PDE1A: variants seen among roughly 807,000 people sequenced by gnomAD.
PDE1A encodes the protein dual specificity calcium/calmodulin-dependent 3',5'-cyclic nucleotide phosphodiesterase 1A.
A neutral mutation model predicts 61.7 loss-of-function variants in PDE1A; 35 were observed. The observed-to-expected ratio is 0.57, with a 90% confidence interval of 0.43 to 0.75. The LOEUF (loss-of-function observed/expected upper bound fraction) is 0.75, where lower values mean the gene tolerates loss of function less well. Among genes scored for constraint, PDE1A ranks in the 30% least tolerant of loss-of-function variants. The probability of loss-of-function intolerance (pLI) is 0.00; values close to 1 mark genes in which losing one functional copy is unlikely to be tolerated. For synonymous variants in PDE1A, 232 were observed against 213.2 expected (o/e 1.09, Z -0.77); for missense variants, 597 against 630.6 (o/e 0.95, Z 0.57).
chr2:182,393,157 TC>T (rs2125400869), intron 1 of PDE1A, among the ~76,000 whole-genome samples: 1 of 152,354 alleles, frequency 6.6e-6, no homozygotes, highest in African/African-American at 2.4e-5. Flanking sequence ...TCCAAGCATT[TC>T]CATACATCCT....
At chr2:182,347,456 G>T (rs1559361716) in intron 1 of PDE1A, among the ~76,000 whole-genome samples, 3 of 151,942 alleles carry the variant, frequency 2.0e-5, no homozygotes, top group South Asian at 4.1e-4. Context: ...TAATCTACTT[G>T]GGTATCCATT....
At chr2:182,368,264 G>A (rs1358842577) in intron 1 of PDE1A, among the ~76,000 whole-genome samples, 1 of 151,916 alleles carries the variant, frequency 6.6e-6, no homozygotes, top group Non-Finnish European at 1.5e-5. Flanking sequence ...CATCAAATAT[G>A]GAGTTCATGT....
At chr2:182,211,830 C>T (rs553779568) in intron 7 of PDE1A, among the ~76,000 whole-genome samples, 111 of 152,216 alleles carry the variant, frequency 7.3e-4, no homozygotes, top group African/African-American at 2.6e-3. Context: ...GAAAAGCAAT[C>T]GAGTTTTGTG....
chr2:182,588,510 C>CA, the PDE1A span, among the ~76,000 whole-genome samples: 1 of 152,268 alleles, frequency 6.6e-6, no homozygotes, highest in Non-Finnish European at 1.5e-5. Context: ...ATTTTCTCAG[C>CA]AAAAATACAC....
At chr2:182,553,381 C>T in the PDE1A span, among the ~76,000 whole-genome samples, 6 of 152,170 alleles carry the variant, frequency 3.9e-5, no homozygotes, top group Admixed American at 2.6e-4. Flanking sequence ...CAGGTGCATA[C>T]CACTACAACG....
chr2:182,552,227 A>G, the PDE1A span, among the ~76,000 whole-genome samples: 1 of 152,128 alleles, frequency 6.6e-6, no homozygotes, highest in South Asian at 2.1e-4. Context: ...TTCCAAACCT[A>G]TAACATATCT....
At chr2:182,144,340 C>T (rs1320428694), downstream of PDE1A, among the ~76,000 whole-genome samples, 1 of 152,134 alleles carries the variant, frequency 6.6e-6, no homozygotes, top group Non-Finnish European at 1.5e-5. Context: ...AATAAAGCAG[C>T]CTGGGATTAT....
the PDE1A span, among the ~76,000 whole-genome samples, chr2:182,532,404 T>G: frequency 1.3e-5 from 2 of 152,152 alleles, no homozygotes; most frequent in Admixed American, 1.3e-4. Context: ...AAAAACTTTT[T>G]TAAAATTATA....
At chr2:182,668,331 C>T in the PDE1A span, among the ~76,000 whole-genome samples, 1 of 151,980 alleles carries the variant, frequency 6.6e-6, no homozygotes, top group African/African-American at 2.4e-5. Flanking sequence ...ATGGTAGGAA[C>T]CATGGACTTA....
chr2:182,186,383 C>T (rs1685207685), intron 12 of PDE1A, 85 bp downstream of exon 12: 1 of 1,459,444 alleles, frequency 6.9e-7, no homozygotes, highest in African/African-American at 1.4e-5. Flanking sequence ...AATTCTCTGC[C>T]TAGATGTGAG....
chr2:182,292,769 A>C (rs1694623111), intron 1 of PDE1A, among the ~76,000 whole-genome samples: 1 of 152,028 alleles, frequency 6.6e-6, no homozygotes, highest in Non-Finnish European at 1.5e-5. Flanking sequence ...TTACCTTTTA[A>C]ATTAAAAGTT....
intron 1 of PDE1A, among the ~76,000 whole-genome samples, chr2:182,329,087 T>G (rs918416900): frequency 6.6e-6 from 1 of 152,168 alleles, no homozygotes; most frequent in African/African-American, 2.4e-5. Context: ...GTAAAAAAAT[T>G]ATACACAACA....
At chr2:182,308,808 T>C (rs966318070) in intron 1 of PDE1A, among the ~76,000 whole-genome samples, 1 of 152,096 alleles carries the variant, frequency 6.6e-6, no homozygotes, top group African/African-American at 2.4e-5. Flanking sequence ...TCTTTCCTTA[T>C]AAAGTGCAGC....
At chr2:182,432,070 G>T (rs1335457324) in intron 2 of PDE1A, among the ~76,000 whole-genome samples, 2 of 152,030 alleles carry the variant, frequency 1.3e-5, no homozygotes, top group Non-Finnish European at 2.9e-5. Context: ...CTAGACTAAA[G>T]TCAAAGAACA....
chr2:182,324,659 G>A (rs183028375), intron 1 of PDE1A, among the ~76,000 whole-genome samples: 8 of 152,228 alleles, frequency 5.3e-5, no homozygotes, highest in Admixed American at 5.2e-4. Context: ...ACTGTTCTGT[G>A]GGTACATTGG....
At chr2:182,497,586 G>A (rs946727664) in intron 2 of PDE1A, among the ~76,000 whole-genome samples, 1 of 152,164 alleles carries the variant, frequency 6.6e-6, no homozygotes. Flanking sequence ...CATAATGAAT[G>A]TTATGGCCCC....
chr2:182,395,131 C>T (rs1008518111), intron 1 of PDE1A, among the ~76,000 whole-genome samples: 2 of 152,220 alleles, frequency 1.3e-5, no homozygotes, highest in African/African-American at 2.4e-5. Flanking sequence ...TGCTATGCAG[C>T]CATTGATCTG....
At chr2:182,577,595 T>G in the PDE1A span, among the ~76,000 whole-genome samples, 1 of 152,236 alleles carries the variant, frequency 6.6e-6, no homozygotes, top group Non-Finnish European at 1.5e-5. Context: ...AATCAGGGAA[T>G]GCTGAATGTG....
chr2:182,662,533 T>C, the PDE1A span, among the ~76,000 whole-genome samples: 1 of 152,046 alleles, frequency 6.6e-6, no homozygotes, highest in South Asian at 2.1e-4. Flanking sequence ...GAAATAAGCC[T>C]GCACACCTAC....
Sources: allele counts gnomAD v4.1 joint callset (sites outside exome capture counted in the v4.1 genomes callset), GRCh38; gene constraint gnomAD v4.1.1; transcripts MANE v1.5; gene names NCBI Gene and HGNC (gene_info 2026-07-23, HGNC 2026-07-21).